The following DMPK variants were observed in gnomAD, a reference collection of about 807,000 sequenced individuals.
The protein encoded by DMPK is DM1 protein kinase.
A neutral mutation model predicts 70.3 loss-of-function variants in DMPK; 32 were observed. The ratio of observed to expected loss-of-function variants is 0.46; its 90% CI spans 0.34 to 0.61. The LOEUF (loss-of-function observed/expected upper bound fraction) is 0.61, where lower values mean the gene tolerates loss of function less well. Ranked by LOEUF, DMPK falls within the 20% of genes least tolerant of loss-of-function variation. The pLI is 0.01. For synonymous variants in DMPK, 469 were observed against 390.9 expected, an observed-to-expected ratio of 1.20 and a Z score of -2.36; for missense variants, 899 against 886.0, an observed-to-expected ratio of 1.01 and a Z score of -0.19.
rs776686686 is a variant in DMPK at position 45,782,273 on chromosome 19, T to C, written c.80A>G (p.Asp27Gly). Residue 27 changes from aspartate to glycine, a missense_variant, in exon 1 of 15, where the codon GAC becomes GGC. Asp to Gly is a moderately conservative substitution (Grantham distance 94). Transcript: ENST00000291270. The part of the protein sequence containing the change: ...PGFLGLEPLL[D>G]LLLGVHQELG... ...CTCCTGGTGGACGCCCAGGAGAAGG[T>C]CGAGCAGGGGCTCCAGCCCCAGGAA... 1 of 1,605,686 alleles carries C rather than the reference T, an allele frequency of 6.2e-7. No homozygotes were observed. The highest frequency in any genetic ancestry group is 8.5e-7 in the Non-Finnish European group (1 of 1,177,190).
At chr19:45,770,947 G>A in intron 14 of DMPK, 24 bp downstream of exon 14, 6 of 1,407,066 alleles carry the variant, frequency 4.3e-6, no homozygotes, top group South Asian at 3.0e-5. Context: ...GACGGCGGAG[G>A]GGGGCGTGGG....
At chr19:45,781,610 G>C (rs1026674257) in intron 1 of DMPK, among the ~76,000 whole-genome samples, 1 of 152,220 alleles carries the variant, frequency 6.6e-6, no homozygotes, top group Non-Finnish European at 1.5e-5. Context: ...CTCCTGGATC[G>C]CAGAGGAGGG....
At position 45,770,641 on chromosome 19, in the gene DMPK, C is replaced by T. The variant is rs1969340129; in HGVS notation, c.1738-1G>A. On this transcript the variant is annotated splice_acceptor_variant, in intron 14 of 14. Coordinates refer to ENST00000291270, the MANE Select transcript of DMPK (RefSeq NM_004409.5). LOFTEE classifies it high-confidence loss of function. ...CCTCCGATAGGCCAGGCCTAGGGAC[C>T]TGCGGGGAGAGGGCGAGGTCAACAC... The T allele has an allele frequency of 1.9e-6, 3 of 1,551,148 alleles. No homozygotes were observed. Among genetic ancestry groups the T allele is most frequent in the Non-Finnish European group, 2.6e-6 (3 of 1,147,280 alleles).
chr19:45,771,091 G>C (rs1969398504), intron 13 of DMPK, 31 bp from the exon 14 acceptor site: 8 of 1,498,562 alleles, frequency 5.3e-6, no homozygotes, highest in Non-Finnish European at 7.2e-6. Flanking sequence ...TGACCCGATC[G>C]GAGCCCAGCC....
chr19:45,772,902 A>G, intron 9 of DMPK, 150 bp from the exon 10 acceptor site: 1 of 491,224 alleles, frequency 2.0e-6, no homozygotes, highest in Non-Finnish European at 3.5e-6. Flanking sequence ...ACAGAGTCCC[A>G]GGTAGGCCAA....
chr19:45,778,358 C>T (rs1424373117), intron 5 of DMPK, 135 bp downstream of exon 5: 1 of 1,368,382 alleles, frequency 7.3e-7, no homozygotes, highest in African/African-American at 1.4e-5. Flanking sequence ...CAGTTCTGAC[C>T]CCTACTCCCA....
intron 9 of DMPK, among the ~76,000 whole-genome samples, chr19:45,774,325 T>C (rs1035477372): frequency 6.8e-6 from 1 of 147,086 alleles, no homozygotes; most frequent in African/African-American, 2.5e-5. Flanking sequence ...TGCAGTGGCA[T>C]GATCTCGGCT....
At chr19:45,771,144 G>A in intron 13 of DMPK, 84 bp from the exon 14 acceptor site, 1 of 1,241,024 alleles carries the variant, frequency 8.1e-7, no homozygotes. Context: ...GGGAATCGAG[G>A]TTGGGGAGGT....
At position 45,777,378 on chromosome 19, in the gene DMPK, G is replaced by A. The variant is rs1466271859; in HGVS notation, c.1095C>T (p.Cys365=). The stretch of plus-strand genomic sequence containing the variant: ...GCCCGTCCTCCACCAAGTCGAAGTT[G>A]CATGTGTCGGTGGCACCTTCGAAAT... The part of the protein sequence containing the change: ...TPDFEGATDT[C]NFDLVEDGLT... Residue 365 remains cysteine (C), a synonymous_variant, in exon 8 of 15, where the codon TGC becomes TGT. Coordinates refer to ENST00000291270, the MANE Select transcript of DMPK (RefSeq NM_004409.5). The surrounding 1 kb of genome is among the most constrained non-coding windows in gnomAD (Gnocchi z 6.7). The A allele has an allele frequency of 1.2e-6, 2 of 1,609,022 alleles. No homozygotes were observed. The highest frequency in any genetic ancestry group is 1.7e-6 in the Non-Finnish European group (2 of 1,176,934).
At chr19:45,771,510 G>A (rs867306470) in intron 12 of DMPK, 58 bp downstream of exon 12, 2 of 1,612,198 alleles carry the variant, frequency 1.2e-6, no homozygotes, top group Non-Finnish European at 8.5e-7. Flanking sequence ...ACGCCCCGCG[G>A]AGCAGACGGC....
chr19:45,779,716 GC>G, intron 2 of DMPK, 61 bp downstream of exon 2: 1 of 1,454,186 alleles, frequency 6.9e-7, no homozygotes, highest in Non-Finnish European at 9.2e-7. Flanking sequence ...CTAAGGCCCC[GC>G]CCCAACCCCT....
rs759107509 is a variant in DMPK, at chr19:45,782,382, C to G, written c.-30G>C. On this transcript the variant is annotated 5_prime_UTR_variant, in exon 1 of 15. Transcript: ENST00000291270. ...GACAGGCAGCACCATGGCCCCTCCCCGGGCCGGGGGCTCGGGGTCCTCCTG... is the reference window on the plus strand; with the variant it reads ...GACAGGCAGCACCATGGCCCCTCCCGGGGCCGGGGGCTCGGGGTCCTCCTG... 1.3e-6 allele frequency: 2 copies of G among 1,526,868 alleles called. No homozygotes were observed. The highest frequency in any genetic ancestry group is 8.8e-7 in the Non-Finnish European group (1 of 1,135,958). The allele number at this position is 1,526,868 out of a possible 1,614,324, so 94.6% of individuals were successfully genotyped here.
In DMPK at chr19:45,772,760, G is replaced by A; in HGVS notation, c.1233-8C>T. On this transcript the variant is annotated splice_polypyrimidine_tract_variant and splice_region_variant and intron_variant, in intron 9 of 14. Transcript: ENST00000291270. ...CCTGGGACCTCACTGTCCCTGGGGA[G>A]AGGAGGAGGGAGTGGGGAGGGAGAC... is the stretch of plus-strand genomic sequence containing the variant. 7.0e-7 allele frequency: 1 copy of A among 1,433,396 alleles called. No individual in the cohort carries two copies. The highest frequency in any genetic ancestry group is 9.2e-7 in the Non-Finnish European group (1 of 1,083,552). 88.8% of individuals were successfully genotyped at this position (1,433,396 alleles called of 1,614,324 possible).
At chr19:45,773,057 C>T (rs971587561) in intron 9 of DMPK, among the ~76,000 whole-genome samples, 5 of 152,190 alleles carry the variant, frequency 3.3e-5, no homozygotes, top group Admixed American at 6.5e-5. Context: ...GACATGTGAC[C>T]GCTGCAGACC....
At chr19:45,778,387 C>A (rs1369491005) in intron 5 of DMPK, 106 bp downstream of exon 5, 10 of 1,473,770 alleles carry the variant, frequency 6.8e-6, no homozygotes, top group East Asian at 2.4e-5. Context: ...CCGGTGGGCC[C>A]CAACCAAGAA....
Position 45,777,831 on chromosome 19 carries a change from G to C in DMPK, c.718C>G (p.Pro240Ala). 5 of 1,611,678 alleles carry C rather than the reference G, an allele frequency of 3.1e-6. No homozygotes were observed. The highest frequency in any genetic ancestry group is 4.2e-6 in the Non-Finnish European group (5 of 1,179,982). ...VAVGTPDYLSPEILQAVGGGP... is the reference protein window; with the variant it reads ...VAVGTPDYLSAEILQAVGGGP... ...CCGCCCACAGCCTGCAGGATCTCGG[G>C]GGACAGGTAGTCTGGGGTGCCCACA... The change falls in exon 7 of 15, where the codon CCC becomes GCC. Residue 240 changes from proline (P) to alanine (A), a missense_variant. Physicochemically the swap from Pro to Ala is conservative, Grantham distance 27. This residue lies in a region of DMPK where 195 missense variants were observed against 259.7 expected (regional missense o/e 0.75). Coordinates refer to ENST00000291270, the MANE Select transcript of DMPK (RefSeq NM_004409.5). This position sits in a 1 kb window ranked among gnomAD's most constrained non-coding sequence, Gnocchi z 6.7.
intron 3 of DMPK, 38 bp from the exon 4 acceptor site, chr19:45,779,397 G>C: frequency 6.2e-7 from 1 of 1,613,844 alleles, no homozygotes. Context: ...CGGAGACGGG[G>C]CGCGGATCCT....
chr19:45,770,615 G>T lies in DMPK; in HGVS notation c.1763C>A (p.Ala588Glu). The T allele has an allele frequency of 6.4e-7, 1 of 1,552,730 alleles. No individual in the cohort carries two copies. Residue 588 changes from alanine (A) to glutamate (E), a missense_variant, in exon 15 of 15, where the codon GCG becomes GAG. By Grantham distance (107) the Ala-to-Glu change is moderately radical. Transcript: ENST00000291270. Reference sequence around the variant, plus strand: ...AACGGCGAACAGGAGCAGGGAAAGCGCCTCCGATAGGCCAGGCCTAGGGAC... The same window carrying T: ...AACGGCGAACAGGAGCAGGGAAAGCTCCTCCGATAGGCCAGGCCTAGGGAC... ...ARVPRPGLSE[A>E]LSLLLFAVVL... is the part of the protein sequence containing the mutation.
At position 45,779,424 on chromosome 19, in the gene DMPK, C is replaced by G. The variant is rs372834428; in HGVS notation, c.336+15G>C. The G allele has an allele frequency of 4.5e-5, 73 of 1,613,832 alleles. No homozygotes were observed. The highest frequency in any genetic ancestry group is 6.0e-5 in the Non-Finnish European group (71 of 1,179,984). ...GCGGATCCTCAAAGCCCCCCACGTC[C>G]GCCCAGCCCCTCACCTCGCCCCTCT... On this transcript the variant is annotated intron_variant, in intron 3 of 14. Transcript: ENST00000291270.
Sources: allele counts gnomAD v4.1 joint callset (sites outside exome capture counted in the v4.1 genomes callset), GRCh38; gene constraint gnomAD v4.1.1; regional missense constraint gnomAD v4.1.1; non-coding constraint Gnocchi (gnomAD v3.1); transcripts MANE v1.5; gene names NCBI Gene and HGNC (gene_info 2026-07-23, HGNC 2026-07-21).